The following NCLN variants were observed in gnomAD, a reference collection of about 807,000 sequenced individuals.
NCLN encodes the protein BOS complex subunit NCLN.
Under a neutral mutation model 69.5 loss-of-function variants are expected in NCLN, and 34 were observed. The observed-to-expected ratio is 0.49, with a 90% CI of 0.37 to 0.65. NCLN has a LOEUF of 0.65. NCLN is among the 30% of genes least tolerant of loss of function. The probability of loss-of-function intolerance (pLI) is 0.00; values close to 1 mark genes in which losing one functional copy is unlikely to be tolerated. For missense variants in NCLN, 710 were observed against 804.8 expected, an observed-to-expected ratio of 0.88 and a Z score of 1.42; for synonymous variants, 393 against 358.3, an observed-to-expected ratio of 1.10 and a Z score of -1.09.
chr19:3,207,118 C>G (rs1916290481), intron 12 of NCLN, 80 bp from the exon 13 acceptor site: 1 of 1,509,644 alleles, frequency 6.6e-7, no homozygotes, highest in Admixed American at 1.7e-5. Flanking sequence ...GCCATCGTGC[C>G]CAGTCTCCAT....
intron 7 of NCLN, 31 bp from the exon 8 acceptor site, chr19:3,203,974 A>C (rs982299729): frequency 6.5e-7 from 1 of 1,532,492 alleles, no homozygotes; most frequent in Non-Finnish European, 8.8e-7. Context: ...CCTGGTCCCC[A>C]CCCACCCCGC....
rs113130286 is a variant in NCLN, at chr19:3,190,420, T to TC, written c.185-2044dup. Among the ~76,000 whole-genome samples the TC allele has an allele frequency of 7.7e-3, 1,169 of 151,850 alleles. 13 individuals carry two copies. The highest frequency in any genetic ancestry group is 0.027 in the African/African-American group (1,117 of 41,378). On this transcript the variant is annotated intron_variant, in intron 1 of 14. Transcript: ENST00000246117. ...CCACCTGAGACCTGTGTCCCGCCTG[T>TC]CCCCCCATGCACCCAGCTCAGCCCA...
At position 3,205,802 on chromosome 19, in the gene NCLN, G is replaced by C. The variant is rs780634014; in HGVS notation, c.1209-137G>C. On this transcript the variant is annotated intron_variant, in intron 9 of 14. Transcript: ENST00000246117. This position sits in a 1 kb window ranked among gnomAD's most constrained non-coding sequence, Gnocchi z 4.6. ...TCTACATGTTAGCCAAGTAGTTAAAGCTAAGCTTAATTTTTTTTTTTTTTT... is the reference window on the plus strand; with the variant it reads ...TCTACATGTTAGCCAAGTAGTTAAACCTAAGCTTAATTTTTTTTTTTTTTT... 26 of 835,580 alleles carry C rather than the reference G, an allele frequency of 3.1e-5. No homozygotes were observed. Among genetic ancestry groups the C allele is most frequent in the Non-Finnish European group, 5.0e-5 (26 of 523,248 alleles). The allele number at this position is 835,580 out of a possible 1,614,324, so 51.8% of individuals were successfully genotyped here. A position where few individuals can be genotyped will look rare whatever the true frequency, so the allele number is the denominator to read the frequency against.
intron 4 of NCLN, among the ~76,000 whole-genome samples, chr19:3,196,535 A>C (rs311616): frequency 1.1e-4 from 16 of 150,804 alleles, no homozygotes; most frequent in African/African-American, 3.4e-4. Flanking sequence ...TCCATCATGG[A>C]CCCCCACACA....
chr19:3,196,130 C>T, intron 3 of NCLN, 53 bp from the exon 4 acceptor site: 11 of 1,391,334 alleles, frequency 7.9e-6, no homozygotes, highest in Non-Finnish European at 1.1e-5. Flanking sequence ...GGGATGCCCC[C>T]TGGCTGGGGC....
intron 8 of NCLN, 97 bp from the exon 9 acceptor site, chr19:3,204,476 C>A: frequency 1.5e-6 from 2 of 1,327,480 alleles, no homozygotes; most frequent in Non-Finnish European, 2.0e-6. Context: ...CATTTTGCAC[C>A]CTCGGGGGTT....
Position 3,196,339 on chromosome 19 carries a change from C to T in NCLN, c.615+62C>T, listed in dbSNP as rs570135289. On this transcript the variant is annotated intron_variant, in intron 4 of 14. Transcript: ENST00000246117. ...CCAGGGGTTCCTGCCATCCGCCTGG[C>T]TCCCCGGCTCGGCCGTACTAGAGGG... 108 of 1,275,350 alleles carry T rather than the reference C, an allele frequency of 8.5e-5. 3 individuals carry two copies. The Admixed American group carries it at 2.3e-3, about 27-fold the overall frequency. 79.0% of individuals were successfully genotyped at this position (1,275,350 alleles called of 1,614,324 possible).
At chr19:3,188,375 C>G (rs542510743) in intron 1 of NCLN, among the ~76,000 whole-genome samples, 9 of 152,194 alleles carry the variant, frequency 5.9e-5, no homozygotes, top group Non-Finnish European at 8.8e-5. Context: ...TGTTGTCTAT[C>G]GAGTGAGCAG....
chr19:3,190,740 CCCCCCTGCGTCAGGCCTGTACCCGG>C (rs1245005923), intron 1 of NCLN, among the ~76,000 whole-genome samples: 2 of 148,714 alleles, frequency 1.3e-5, no homozygotes, highest in South Asian at 2.1e-4. Flanking sequence ...CCGCCCCCGG[CCCCCCTGCGTCAGGCCTGTACCCGG>C]CCCCCCTGCG....
At chr19:3,196,010 G>A (rs887875746) in intron 3 of NCLN, among the ~76,000 whole-genome samples, 173 bp from the exon 4 acceptor site, 4 of 152,178 alleles carry the variant, frequency 2.6e-5, no homozygotes, top group Non-Finnish European at 5.9e-5. Flanking sequence ...TCGAGAGAAG[G>A]TTGTCCTAGG....
At chr19:3,188,124 A>G (rs1468883721) in intron 1 of NCLN, among the ~76,000 whole-genome samples, 1 of 151,902 alleles carries the variant, frequency 6.6e-6, no homozygotes, top group Non-Finnish European at 1.5e-5. Context: ...CCACTCCTAG[A>G]GCTCGAGATA....
At chr19:3,199,407 G>A (rs151064977) in intron 5 of NCLN, among the ~76,000 whole-genome samples, 2 of 152,248 alleles carry the variant, frequency 1.3e-5, no homozygotes, top group Non-Finnish European at 2.9e-5. Context: ...GACTTCCAGA[G>A]ACCCAGCGCC....
rs60730769 is a variant in NCLN at position 3,208,245 on chromosome 19, G to A, written c.*557G>A. The A allele has an allele frequency of 0.011, 1,749 of 152,870 alleles. 32 individuals are homozygous for A. Among genetic ancestry groups the A allele is most frequent in the African/African-American group, 0.04 (1,661 of 41,580 alleles). The allele number at this position is 152,870 out of a possible 1,614,324, so 9.5% of individuals were successfully genotyped here. On this transcript the variant is annotated 3_prime_UTR_variant, in exon 15 of 15. Transcript: ENST00000246117. Reference sequence around the variant, plus strand: ...GTTCTGGGATTCCAGCCCTCCTGGAGCCTTTTGTTCCCCATGTGGTCTCAG... The same window carrying A: ...GTTCTGGGATTCCAGCCCTCCTGGAACCTTTTGTTCCCCATGTGGTCTCAG...
intron 8 of NCLN, 134 bp downstream of exon 8, chr19:3,204,278 G>A (rs540230787): frequency 1.7e-6 from 2 of 1,179,050 alleles, no homozygotes; most frequent in South Asian, 3.5e-5. Context: ...GTCGGGGTCG[G>A]GCTGGGGTGT....
At position 3,196,185 on chromosome 19, in the gene NCLN, C is replaced by T. The variant is rs1280748427; in HGVS notation, c.523C>T (p.Leu175=). 1.9e-6 allele frequency: 3 copies of T among 1,550,726 alleles called. No homozygotes were observed. The highest frequency in any genetic ancestry group is 1.2e-5 in the South Asian group (1 of 84,014). ...ATGCGCCCTCTCCCTCTCCCTAGTA[C>T]TGCTGCGCACGGCCACTGCCAACGG... ...SQGSASAAEV[L]LRTATANGFQ... The change falls in exon 4 of 15, where the codon CTG becomes TTG. Residue 175 remains leucine (L), a splice_region_variant and synonymous_variant. Transcript: ENST00000246117.
At chr19:3,198,486 G>A (rs1339217180) in intron 4 of NCLN, among the ~76,000 whole-genome samples, 2 of 139,916 alleles carry the variant, frequency 1.4e-5, no homozygotes, top group African/African-American at 5.4e-5. Context: ...CAGCCTGGGC[G>A]ACAGAGTGAG....
chr19:3,198,754 G>T, intron 4 of NCLN, 63 bp from the exon 5 acceptor site: 1 of 1,392,324 alleles, frequency 7.2e-7, no homozygotes, highest in South Asian at 1.3e-5. Context: ...GGGTCTCCAA[G>T]CCCCACACAC....
At chr19:3,196,652 C>T (rs535374490) in intron 4 of NCLN, among the ~76,000 whole-genome samples, 3 of 152,200 alleles carry the variant, frequency 2.0e-5, no homozygotes, top group African/African-American at 4.8e-5. Flanking sequence ...TAACCTCACC[C>T]GTCAGCCCAG....
At chr19:3,186,921 C>T (rs555358612) in intron 1 of NCLN, among the ~76,000 whole-genome samples, 1 of 152,248 alleles carries the variant, frequency 6.6e-6, no homozygotes, top group South Asian at 2.1e-4. Context: ...CATTTGTCCC[C>T]AGACCCCTGA....
Sources: gnomAD v4.1 joint callset for allele counts (sites outside exome capture counted in the v4.1 genomes callset) on GRCh38, gnomAD v4.1.1 for gene constraint, Gnocchi (gnomAD v3.1) non-coding constraint, MANE v1.5 for transcripts, NCBI Gene and HGNC (gene_info 2026-07-23, HGNC 2026-07-21) for gene names.